Variants in ZNF547 observed in about 807,000 individuals in gnomAD.
ZNF547 encodes the protein zinc finger protein 547.
ZNF547 carries 4 observed loss-of-function variants against 7.7 expected under a neutral mutation model. The observed-to-expected ratio is 0.52, with a 90% CI of 0.26 to 1.20. The LOEUF (loss-of-function observed/expected upper bound fraction) is 1.20, where lower values mean the gene tolerates loss of function less well. ZNF547 is among the 50% of genes most tolerant of loss of function. The probability of loss-of-function intolerance (pLI) is 0.14; values close to 1 mark genes in which losing one functional copy is unlikely to be tolerated. For synonymous variants in ZNF547, 166 were observed against 166.2 expected, an observed-to-expected ratio of 1.00 and a Z score of 0.01; for missense variants, 449 against 485.8, an observed-to-expected ratio of 0.92 and a Z score of 0.71.
intron 1 of ZNF547, chr19:57,365,198 G>A: frequency 1.3e-6 from 2 of 1,590,436 alleles, no homozygotes; most frequent in South Asian, 1.1e-5. Context: ...TCTCCTATTC[G>A]ATCAAGTGCA....
intron 1 of ZNF547, chr19:57,364,759 C>T (rs1231646159): frequency 3.1e-6 from 4 of 1,270,672 alleles, no homozygotes; most frequent in Admixed American, 4.0e-5. Flanking sequence ...GTGCGGAGCG[C>T]GGGTCTCTTC....
intron 1 of ZNF547, among the ~76,000 whole-genome samples, chr19:57,365,669 C>A (rs1292723809): frequency 6.6e-6 from 1 of 151,722 alleles, no homozygotes; most frequent in Admixed American, 6.6e-5. Flanking sequence ...CCATGCCTGC[C>A]TAATTTTTTT....
chr19:57,369,757 T>C (rs988371942), intron 2 of ZNF547, among the ~76,000 whole-genome samples: 3 of 151,778 alleles, frequency 2.0e-5, no homozygotes, highest in African/African-American at 7.3e-5. Context: ...AGGAGGGTAA[T>C]AGGGTGAGGT....
Position 57,377,249 on chromosome 19 carries a change from A to G in ZNF547, c.273A>G (p.Thr91=). ...LSTQNTQPCE[T]CSSLLKDILR... ...CCCAGAATACCCAGCCCTGTGAGAC[A>G]TGTAGCTCACTTCTGAAGGACATTC... Residue 91 remains threonine, a synonymous_variant, in exon 4 of 4, where the codon ACA becomes ACG. Transcript: ENST00000282282. The G allele has an allele frequency of 6.2e-7, 1 of 1,614,244 alleles. No homozygotes were observed. Among genetic ancestry groups the G allele is most frequent in the Non-Finnish European group, 8.5e-7 (1 of 1,180,056 alleles).
chr19:57,366,922 C>G (rs576781642), intron 1 of ZNF547, among the ~76,000 whole-genome samples: 1 of 152,334 alleles, frequency 6.6e-6, no homozygotes, highest in South Asian at 2.1e-4. Context: ...CTAAGTGTCA[C>G]ATGTCTGCTT....
rs146559900 is a variant in ZNF547, at chr19:57,371,905, C to T, written c.148C>T (p.Leu50=). ...MLENLALLSS[L]GCCHGAEDEE... is the part of the protein sequence containing the mutation. ...GGAGAATTTGGCCCTTTTGTCCTCA[C>T]TAGGTAAGGCCCTCACACTTGCCCA... is the stretch of plus-strand genomic sequence containing the variant. The change falls in exon 3 of 4, where the codon CTA becomes TTA. Residue 50 remains leucine (L), a synonymous_variant. Coordinates refer to ENST00000282282, the MANE Select transcript of ZNF547 (RefSeq NM_173631.4). 4 of 1,605,382 alleles carry T rather than the reference C, an allele frequency of 2.5e-6. No homozygotes were observed. The highest frequency in any genetic ancestry group is 2.2e-5 in the East Asian group (1 of 44,734).
At chr19:57,364,858 A>G (rs2088452572) in intron 1 of ZNF547, 1 of 1,610,348 alleles carries the variant, frequency 6.2e-7, no homozygotes, top group Non-Finnish European at 8.5e-7. Context: ...CTACTTTGTA[A>G]TTGTTGGTCA....
intron 1 of ZNF547, among the ~76,000 whole-genome samples, chr19:57,366,046 G>A (rs1378333830): frequency 2.0e-5 from 3 of 149,514 alleles, no homozygotes; most frequent in Non-Finnish European, 4.4e-5. Flanking sequence ...TGTATTTTTA[G>A]TAAAGACGGG....
intron 1 of ZNF547, chr19:57,364,451 AAT>A: frequency 4.7e-6 from 1 of 212,444 alleles, no homozygotes; most frequent in Non-Finnish European, 9.5e-6. Context: ...TCTTCAAAAG[AAT>A]AGAGGGTGGC....
chr19:57,369,830 A>G (rs2088492732), intron 2 of ZNF547, among the ~76,000 whole-genome samples: 2 of 151,224 alleles, frequency 1.3e-5, no homozygotes, highest in African/African-American at 2.4e-5. Flanking sequence ...GTCTGTTTTC[A>G]TATTGCTACA....
At chr19:57,375,274 CA>C (rs2088528951) in intron 3 of ZNF547, among the ~76,000 whole-genome samples, 1 of 152,046 alleles carries the variant, frequency 6.6e-6, no homozygotes, top group South Asian at 2.1e-4. Context: ...CACTTGCACC[CA>C]GGGGGTGGAA....
chr19:57,377,261 T>C lies in ZNF547; in HGVS notation c.285T>C (p.Leu95=). 2 of 1,614,234 alleles carry C rather than the reference T, an allele frequency of 1.2e-6. No homozygotes were observed. Among genetic ancestry groups the C allele is most frequent in the Non-Finnish European group, 1.7e-6 (2 of 1,180,048 alleles). The change falls in exon 4 of 4, where the codon CTT becomes CTC. Residue 95 remains leucine, a synonymous_variant. Coordinates refer to ENST00000282282, the MANE Select transcript of ZNF547 (RefSeq NM_173631.4). ...NTQPCETCSS[L]LKDILRLAEH... is the part of the protein sequence containing the mutation. ...AGCCCTGTGAGACATGTAGCTCACT[T>C]CTGAAGGACATTCTGCGTCTGGCTG... is the stretch of plus-strand genomic sequence containing the variant.
At chr19:57,375,759 G>A (rs1457988137) in intron 3 of ZNF547, among the ~76,000 whole-genome samples, 1 of 151,918 alleles carries the variant, frequency 6.6e-6, no homozygotes. Flanking sequence ...TGGTTGGGAG[G>A]TCTCAGGAAA....
chr19:57,366,912 CTAAG>C, intron 1 of ZNF547, among the ~76,000 whole-genome samples: 1 of 152,320 alleles, frequency 6.6e-6, no homozygotes, highest in East Asian at 1.9e-4. Context: ...TTGTGCAGTG[CTAAG>C]TGTCACATGT....
chr19:57,365,496 A>G, intron 1 of ZNF547: 1 of 441,424 alleles, frequency 2.3e-6, no homozygotes, highest in East Asian at 3.7e-5. Context: ...TATCAATAAT[A>G]ATTAATTTCT....
chr19:57,378,003 C>T lies in ZNF547; in HGVS notation c.1027C>T (p.Gln343Ter), dbSNP rs370138691. ...FSLKSVLIQHQRVHTGERPYE... is the reference protein window; with the variant it reads ...FSLKSVLIQH ...CTTGAAATCCGTCCTCATTCAACAC[C>T]AAAGAGTTCACACTGGAGAACGGCC... Residue 343 changes from glutamine to a stop codon, truncating the protein, a stop_gained, in exon 4 of 4, where the codon CAA becomes TAA. Coordinates refer to ENST00000282282, the MANE Select transcript of ZNF547 (RefSeq NM_173631.4). LOFTEE classifies it low-confidence loss of function (END_TRUNC). The T allele has an allele frequency of 6.2e-7, 1 of 1,614,008 alleles. No homozygotes were observed. The highest frequency in any genetic ancestry group is 1.3e-5 in the African/African-American group (1 of 74,896).
intron 3 of ZNF547, among the ~76,000 whole-genome samples, chr19:57,376,531 A>G (rs932112011): frequency 2.0e-5 from 3 of 152,204 alleles, no homozygotes; most frequent in African/African-American, 4.8e-5. Context: ...ATTTGTCTAC[A>G]TGTGGGTTTG....
chr19:57,371,967 G>T, intron 3 of ZNF547, 59 bp downstream of exon 3: 1 of 1,502,042 alleles, frequency 6.7e-7, no homozygotes, highest in Non-Finnish European at 8.9e-7. Context: ...CCTTTTACCT[G>T]AAGGCAGCTC....
chr19:57,375,661 CAAAAAA>C (rs67290425), intron 3 of ZNF547, among the ~76,000 whole-genome samples: 2 of 91,498 alleles, frequency 2.2e-5, no homozygotes, highest in African/African-American at 3.9e-5. Flanking sequence ...GAGTTTGTCT[CAAAAAA>C]AAAAAAAAAA....
Sources: allele counts gnomAD v4.1 joint callset (sites outside exome capture counted in the v4.1 genomes callset), GRCh38; gene constraint gnomAD v4.1.1; transcripts MANE v1.5; gene names NCBI Gene and HGNC (gene_info 2026-07-23, HGNC 2026-07-21).